The following DMXL1 variants were observed in gnomAD, a reference collection of about 807,000 sequenced individuals.
DMXL1 encodes Dmx like 1, also known as dmX-like protein 1.
A neutral mutation model predicts 319.2 loss-of-function variants in DMXL1; 99 were observed. The observed-to-expected ratio is 0.31, with a 90% CI of 0.26 to 0.37. The LOEUF (loss-of-function observed/expected upper bound fraction) is 0.37, where lower values mean the gene tolerates loss of function less well. DMXL1 is among the 10% of genes least tolerant of loss of function. The pLI is 1.00. For synonymous variants in DMXL1, 1,385 were observed against 1,235.2 expected, an observed-to-expected ratio of 1.12 and a Z score of -2.54; for missense variants, 3,745 against 3,595.6, an observed-to-expected ratio of 1.04 and a Z score of -1.06.
chr5:119,118,721 T>C (rs1289644088), intron 7 of DMXL1, 94 bp from the exon 8 acceptor site: 1 of 905,640 alleles, frequency 1.1e-6, no homozygotes, highest in African/African-American at 1.7e-5. Flanking sequence ...GGTACCTTAG[T>C]TGGTACATTT....
chr5:119,071,346 G>T lies in DMXL1; in HGVS notation c.-224G>T, dbSNP rs920840584. The T allele has an allele frequency of 3.7e-6, 2 of 535,740 alleles. No individual in the cohort carries two copies. The highest frequency in any genetic ancestry group is 6.6e-6 in the Non-Finnish European group (2 of 305,132). 33.2% of individuals were successfully genotyped at this position (535,740 alleles called of 1,614,324 possible). A position where few individuals can be genotyped will look rare whatever the true frequency, so the allele number is the denominator to read the frequency against. ...AGTGACAGGTGCGCGAAGGAGCGCG[G>T]CGCTCCGCCCTCTCGCCGACCCGCC... On this transcript the variant is annotated 5_prime_UTR_variant, in exon 1 of 44. Coordinates refer to ENST00000539542, the MANE Select transcript of DMXL1 (RefSeq NM_001290321.3).
intron 32 of DMXL1, among the ~76,000 whole-genome samples, chr5:119,202,817 C>G (rs1780952283): frequency 6.7e-6 from 1 of 148,232 alleles, no homozygotes; most frequent in African/African-American, 2.5e-5. Context: ...CCCTGTTGCA[C>G]TCCAGTCTGG....
Position 119,202,881 on chromosome 5 carries a change from A to T in DMXL1, c.7746-438A>T, listed in dbSNP as rs377110495. Among the ~76,000 whole-genome samples, 226 of 89,168 alleles carry T rather than the reference A, an allele frequency of 2.5e-3. 2 individuals are homozygous for T. In the South Asian group the frequency reaches 0.032, roughly 13 times the overall value. 58.5% of individuals were successfully genotyped at this position (89,168 alleles called of 152,430 possible). ...TATACATACATATATATATATATAT[A>T]TTTTTATATATATATATATATATAT... On this transcript the variant is annotated intron_variant, in intron 32 of 43. Coordinates refer to ENST00000539542, the MANE Select transcript of DMXL1 (RefSeq NM_001290321.3).
chr5:119,181,718 A>G (rs1776802492), intron 28 of DMXL1, among the ~76,000 whole-genome samples: 1 of 152,182 alleles, frequency 6.6e-6, no homozygotes. Flanking sequence ...AGGCTGAGGC[A>G]GGAGAATCGC....
chr5:119,128,571 C>T (rs1349705846), intron 9 of DMXL1: 5 of 155,028 alleles, frequency 3.2e-5, no homozygotes, highest in African/African-American at 4.8e-5. Context: ...TGTACAACAC[C>T]AAGAATGAAC....
At chr5:119,175,167 C>A in intron 25 of DMXL1, 94 bp from the exon 26 acceptor site, 11 of 861,086 alleles carry the variant, frequency 1.3e-5, no homozygotes, top group East Asian at 9.1e-5. Context: ...AAAATTTTTT[C>A]ATTCTTTTAA....
intron 34 of DMXL1, among the ~76,000 whole-genome samples, chr5:119,207,741 C>T (rs549415351): frequency 1.3e-5 from 2 of 152,162 alleles, no homozygotes; most frequent in Non-Finnish European, 2.9e-5. Flanking sequence ...AGGCTGATGT[C>T]AAACTCCTGA....
In DMXL1 at chr5:119,203,394, C is replaced by G. The variant is rs199739726; in HGVS notation, c.7821C>G (p.Thr2607=). ...TGAAGCAGGAAGAAATTCAGGAAACCTTTATCAAAAATATATTCACAAAGA... is the reference window on the plus strand; with the variant it reads ...TGAAGCAGGAAGAAATTCAGGAAACGTTTATCAAAAATATATTCACAAAGA... ...YLVKQEEIQE[T]FIKNIFTKKR... Residue 2607 remains threonine, a synonymous_variant, in exon 33 of 44, where the codon ACC becomes ACG. Coordinates refer to ENST00000539542, the MANE Select transcript of DMXL1 (RefSeq NM_001290321.3). 1.4e-4 allele frequency: 230 copies of G among 1,605,762 alleles called. No homozygotes were observed. The highest frequency in any genetic ancestry group is 2.6e-5 in the Non-Finnish European group (30 of 1,176,360).
chr5:119,127,684 CTGCT>C, intron 9 of DMXL1: 1 of 181,540 alleles, frequency 5.5e-6, no homozygotes, highest in South Asian at 1.1e-4. Context: ...AGTGATTTGC[CTGCT>C]CTGGCCTCCC....
At chr5:119,073,923 GT>G (rs112722333) in intron 1 of DMXL1, among the ~76,000 whole-genome samples, 6,729 of 143,282 alleles carry the variant, frequency 0.047, 196 homozygotes, top group South Asian at 0.072. Context: ...GTTTTGTGTT[GT>G]TTTTTTTTTT....
chr5:119,244,638 A>G (rs1789421075), intron 43 of DMXL1, 62 bp downstream of exon 43: 1 of 1,238,186 alleles, frequency 8.1e-7, no homozygotes, highest in African/African-American at 1.5e-5. Context: ...TAGCTCTTTA[A>G]TCGTATTGAT....
chr5:119,198,071 C>T (rs1259714736), intron 32 of DMXL1, 115 bp downstream of exon 32: 6 of 947,312 alleles, frequency 6.3e-6, no homozygotes, highest in Non-Finnish European at 9.7e-6. Flanking sequence ...TCACTGCAGC[C>T]TCTGCCTCCT....
intron 7 of DMXL1, among the ~76,000 whole-genome samples, chr5:119,116,569 C>G (rs778622330): frequency 6.6e-6 from 1 of 152,180 alleles, no homozygotes; most frequent in African/African-American, 2.4e-5. Context: ...TACTCCATAT[C>G]AGATGTCTTT....
chr5:119,170,396 G>A lies in DMXL1; in HGVS notation c.5605G>A (p.Gly1869Ser). The A allele has an allele frequency of 6.2e-7, 1 of 1,613,926 alleles. No individual in the cohort carries two copies. The highest frequency in any genetic ancestry group is 1.1e-5 in the South Asian group (1 of 91,074). ...CACTGCCAGTGCTCATTTAAAAGCT[G>A]GCTGCCCAATGTTGGCTTTGGAAGT... ...FTTASAHLKAGCPMLALEVLS... is the reference protein window; with the variant it reads ...FTTASAHLKASCPMLALEVLS... The change falls in exon 24 of 44, where the codon GGC (glycine) becomes AGC (serine). Residue 1869 changes from glycine (G) to serine (S), a missense_variant. Coordinates refer to ENST00000539542, the MANE Select transcript of DMXL1 (RefSeq NM_001290321.3).
At chr5:119,238,205 G>C (rs930509591) in intron 40 of DMXL1, among the ~76,000 whole-genome samples, 16 of 151,940 alleles carry the variant, frequency 1.1e-4, no homozygotes, top group African/African-American at 3.9e-4. Flanking sequence ...CTGGCTTTTG[G>C]AGATTAAGAG....
At chr5:119,099,759 T>C (rs534741355) in intron 2 of DMXL1, among the ~76,000 whole-genome samples, 164 of 152,242 alleles carry the variant, frequency 1.1e-3, no homozygotes, top group Middle Eastern at 3.4e-3. Flanking sequence ...CCCAGAGCTT[T>C]AGGAGGGTCA....
Position 119,247,354 on chromosome 5 carries a change from C to T in DMXL1, c.*135C>T. Reference sequence around the variant, plus strand: ...TATATTTATTTTATGGAGCTTTGCCCTTGATGCACTGATGCCTTAAAAATT... The same window carrying T: ...TATATTTATTTTATGGAGCTTTGCCTTTGATGCACTGATGCCTTAAAAATT... On this transcript the variant is annotated 3_prime_UTR_variant, in exon 44 of 44. Coordinates refer to ENST00000539542, the MANE Select transcript of DMXL1 (RefSeq NM_001290321.3). The T allele has an allele frequency of 1.5e-6, 1 of 646,640 alleles. No homozygotes were observed. The highest frequency in any genetic ancestry group is 3.0e-5 in the Admixed American group (1 of 33,002). 40.1% of individuals were successfully genotyped at this position (646,640 alleles called of 1,614,324 possible).
At chr5:119,092,792 G>A (rs1159943705) in intron 1 of DMXL1, among the ~76,000 whole-genome samples, 1 of 152,050 alleles carries the variant, frequency 6.6e-6, no homozygotes, top group Non-Finnish European at 1.5e-5. Context: ...TAAAATATGT[G>A]GTCTTTTGTA....
intron 35 of DMXL1, among the ~76,000 whole-genome samples, chr5:119,219,856 C>T (rs376174912): frequency 6.6e-6 from 1 of 152,146 alleles, no homozygotes; most frequent in Non-Finnish European, 1.5e-5. Context: ...ACGTGAGCCA[C>T]TGCCCCCAGC....
Sources: gnomAD v4.1 joint callset for allele counts (sites outside exome capture counted in the v4.1 genomes callset) on GRCh38, gnomAD v4.1.1 for gene constraint, MANE v1.5 for transcripts, NCBI Gene and HGNC (gene_info 2026-07-23, HGNC 2026-07-21) for gene names.